Variants in ACBD6 observed in about 807,000 individuals in gnomAD.
ACBD6 encodes acyl-CoA binding domain containing 6.
In ACBD6, 28 loss-of-function variants were observed where a neutral mutation model predicts 37.2. That is an observed-to-expected ratio of 0.75 (90% CI 0.56 to 1.03). The LOEUF (loss-of-function observed/expected upper bound fraction) is 1.03. ACBD6 is among the 50% of genes least tolerant of loss of function. The probability of loss-of-function intolerance (pLI) is 0.00; values close to 1 mark genes in which losing one functional copy is unlikely to be tolerated. For synonymous variants in ACBD6, 113 were observed against 126.8 expected (o/e 0.89, Z 0.73); for missense variants, 340 against 337.4 (o/e 1.01, Z -0.06).
chr1:180,342,550 A>G (rs1652021079), intron 6 of ACBD6, among the ~76,000 whole-genome samples: 1 of 152,058 alleles, frequency 6.6e-6, no homozygotes, highest in Admixed American at 6.6e-5. Context: ...ACTAATATAA[A>G]GTCTGTTCAG....
chr1:180,303,638 C>T (rs1299089975), intron 7 of ACBD6, among the ~76,000 whole-genome samples: 1 of 150,530 alleles, frequency 6.6e-6, no homozygotes, highest in Non-Finnish European at 1.5e-5. Flanking sequence ...AAAAAAAGTC[C>T]AGGACCAGAT....
chr1:180,443,505 G>A (rs1366709877), intron 3 of ACBD6, among the ~76,000 whole-genome samples: 1 of 152,170 alleles, frequency 6.6e-6, no homozygotes, highest in Non-Finnish European at 1.5e-5. Context: ...GCAAATTCTA[G>A]TTCAAAATGG....
chr1:180,434,430 T>C (rs1057107337), intron 3 of ACBD6, among the ~76,000 whole-genome samples: 6 of 152,214 alleles, frequency 3.9e-5, no homozygotes, highest in Non-Finnish European at 7.3e-5. Context: ...TCCAGGTCTT[T>C]TTCTGATCCT....
chr1:180,372,914 T>C lies in ACBD6; in HGVS notation c.663+24602A>G, dbSNP rs139225468. On this transcript the variant is annotated intron_variant, in intron 6 of 7. Transcript: ENST00000367595. Reference sequence around the variant, plus strand: ...TGTATCCAAGCCAGATATTTATTGCTATTGATCTGCCTGGTCCTAGCAAAA... The same window carrying C: ...TGTATCCAAGCCAGATATTTATTGCCATTGATCTGCCTGGTCCTAGCAAAA... Among the ~76,000 whole-genome samples, 156 of 152,324 alleles carry C rather than the reference T, an allele frequency of 1.0e-3. 1 individual carries two copies. The highest frequency in any genetic ancestry group is 4.9e-3 in the Admixed American group (75 of 15,288).
At chr1:180,290,829 A>C (rs1649679036) in intron 7 of ACBD6, among the ~76,000 whole-genome samples, 1 of 152,228 alleles carries the variant, frequency 6.6e-6, no homozygotes, top group South Asian at 2.1e-4. Flanking sequence ...AAGAGTTGAA[A>C]GTACAGAGGT....
At chr1:180,412,122 A>C (rs1383695632) in intron 5 of ACBD6, among the ~76,000 whole-genome samples, 4 of 151,808 alleles carry the variant, frequency 2.6e-5, no homozygotes, top group Admixed American at 1.3e-4. Flanking sequence ...AAAAAAAAAA[A>C]AACCCAAAAT....
At chr1:180,448,404 A>AT (rs1649557971) in intron 3 of ACBD6, among the ~76,000 whole-genome samples, 1 of 152,152 alleles carries the variant, frequency 6.6e-6, no homozygotes, top group Non-Finnish European at 1.5e-5. Flanking sequence ...GTCAGGATAG[A>AT]TTTTTAGATC....
rs187300388 is a variant in ACBD6, at chr1:180,426,783, T to C, written c.467+3397A>G. On this transcript the variant is annotated intron_variant, in intron 4 of 7. Coordinates refer to ENST00000367595, the MANE Select transcript of ACBD6 (RefSeq NM_032360.4). ...GGTACTGTTCGAGGATGTCTATGTA[T>C]TCACATAATCTGCTAAGTATCAAGT... is the stretch of plus-strand genomic sequence containing the variant. Among the ~76,000 whole-genome samples, 5 of 152,344 alleles carry C rather than the reference T, an allele frequency of 3.3e-5. No homozygotes were observed. The East Asian group carries it at 9.6e-4, about 29-fold the overall frequency.
At chr1:180,328,003 G>A (rs1031749975) in intron 6 of ACBD6, among the ~76,000 whole-genome samples, 4 of 152,048 alleles carry the variant, frequency 2.6e-5, no homozygotes, top group Admixed American at 2.6e-4. Context: ...ATCAAATATA[G>A]TATGCTTTTA....
At chr1:180,270,467 C>G (rs1191207237) in exon 14 of ACBD6, 1 of 152,210 alleles carries the variant, frequency 6.6e-6, no homozygotes, top group African/African-American at 2.4e-5. Context: ...GGAGAGGAAA[C>G]AAACCTTTAC....
At chr1:180,328,846 A>C (rs1023530732) in intron 6 of ACBD6, among the ~76,000 whole-genome samples, 46 of 151,570 alleles carry the variant, frequency 3.0e-4, no homozygotes, top group African/African-American at 1.1e-3. Flanking sequence ...TTATTTTTCT[A>C]TATATATATA....
At chr1:180,344,309 T>A (rs1040391315) in intron 6 of ACBD6, among the ~76,000 whole-genome samples, 1 of 151,978 alleles carries the variant, frequency 6.6e-6, no homozygotes, top group Non-Finnish European at 1.5e-5. Context: ...TAGCCAGCCA[T>A]AAAGAGGACT....
intron 6 of ACBD6, among the ~76,000 whole-genome samples, chr1:180,360,679 G>A (rs1652812880): frequency 6.6e-6 from 1 of 152,014 alleles, no homozygotes; most frequent in Non-Finnish European, 1.5e-5. Context: ...CCTTTGTGAA[G>A]TAATTAAATG....
intron 3 of ACBD6, among the ~76,000 whole-genome samples, chr1:180,467,142 T>A (rs1436474632): frequency 9.2e-5 from 14 of 152,034 alleles, no homozygotes; most frequent in Admixed American, 7.9e-4. Context: ...AGCCAAGGTA[T>A]CACTATGTTT....
At chr1:180,355,103 C>T (rs899849831) in intron 6 of ACBD6, among the ~76,000 whole-genome samples, 7 of 152,108 alleles carry the variant, frequency 4.6e-5, no homozygotes, top group East Asian at 1.9e-4. Context: ...TGCTGTTTAC[C>T]GCACTAGGCA....
intron 6 of ACBD6, among the ~76,000 whole-genome samples, chr1:180,341,564 T>C (rs1571384242): frequency 6.6e-6 from 1 of 152,084 alleles, no homozygotes; most frequent in African/African-American, 2.4e-5. Context: ...CTCCAAACCT[T>C]AACCATCCCT....
At chr1:180,294,192 GCTTT>G (rs1291422843) in intron 7 of ACBD6, among the ~76,000 whole-genome samples, 1 of 152,058 alleles carries the variant, frequency 6.6e-6, no homozygotes, top group Non-Finnish European at 1.5e-5. Flanking sequence ...ACCACACCTG[GCTTT>G]CTATTTCTTT....
chr1:180,403,077 C>A (rs1426978980), intron 5 of ACBD6, among the ~76,000 whole-genome samples: 2 of 152,038 alleles, frequency 1.3e-5, no homozygotes, highest in South Asian at 2.1e-4. Flanking sequence ...ATGAAAGATG[C>A]CCTACACAGA....
At chr1:180,439,630 A>G (rs1269927368) in intron 3 of ACBD6, among the ~76,000 whole-genome samples, 4 of 151,456 alleles carry the variant, frequency 2.6e-5, no homozygotes. Context: ...TTGACTCCCT[A>G]GTCCACACTC....
Sources: allele counts gnomAD v4.1 joint callset (sites outside exome capture counted in the v4.1 genomes callset), GRCh38; gene constraint gnomAD v4.1.1; transcripts MANE v1.5; gene names NCBI Gene and HGNC (gene_info 2026-07-23, HGNC 2026-07-21).